GRM8: variants seen among roughly 807,000 people sequenced by gnomAD.
GRM8 encodes metabotropic glutamate receptor 8.
GRM8 carries 47 observed loss-of-function variants against 87.2 expected under a neutral mutation model. The observed-to-expected ratio is 0.54, with a 90% CI of 0.43 to 0.69. The LOEUF is 0.69. Among genes scored for constraint, GRM8 ranks in the 30% least tolerant of loss-of-function variants. The pLI is 0.00. For synonymous variants in GRM8, 396 were observed against 404.5 expected (o/e 0.98, Z 0.25); for missense variants, 1,019 against 1,139.2 (o/e 0.89, Z 1.52).
At chr7:126,552,314 A>G (rs982069828) in intron 8 of GRM8, among the ~76,000 whole-genome samples, 1 of 152,138 alleles carries the variant, frequency 6.6e-6, no homozygotes, top group East Asian at 1.9e-4. Context: ...TATGTACCTT[A>G]AAAATGCCTT....
intron 8 of GRM8, among the ~76,000 whole-genome samples, chr7:126,539,772 C>T (rs1005681792): frequency 7.3e-5 from 11 of 151,606 alleles, no homozygotes; most frequent in Non-Finnish European, 1.5e-4. Context: ...AAGTTATACA[C>T]CTACCTCACA....
intron 2 of GRM8, among the ~76,000 whole-genome samples, chr7:127,194,842 T>C (rs1173908533): frequency 1.3e-5 from 2 of 152,174 alleles, no homozygotes; most frequent in African/African-American, 2.4e-5. Flanking sequence ...GATTAATAAA[T>C]ACCAGTCAAG....
At chr7:126,777,550 C>T (rs1819616037) in intron 6 of GRM8, among the ~76,000 whole-genome samples, 1 of 152,140 alleles carries the variant, frequency 6.6e-6, no homozygotes, top group African/African-American at 2.4e-5. Context: ...CAATGATTAG[C>T]TTGTCTCTTA....
chr7:127,098,557 T>A (rs2132994088), intron 3 of GRM8, among the ~76,000 whole-genome samples: 1 of 152,248 alleles, frequency 6.6e-6, no homozygotes, highest in South Asian at 2.1e-4. Flanking sequence ...AAACTTTCCT[T>A]ACCTTATTGC....
chr7:126,759,698 C>T (rs147195651), intron 7 of GRM8, among the ~76,000 whole-genome samples: 132 of 152,238 alleles, frequency 8.7e-4, no homozygotes, highest in African/African-American at 3.1e-3. Context: ...TAAAGATTCT[C>T]AAGTTCTCAG....
chr7:126,755,455 C>T (rs1208039535), intron 7 of GRM8, among the ~76,000 whole-genome samples: 2 of 151,744 alleles, frequency 1.3e-5, no homozygotes, highest in South Asian at 2.1e-4. Context: ...AGAATAAATA[C>T]GGGGACAGAA....
At chr7:126,446,071 A>G in intron 10 of GRM8, 55 bp downstream of exon 10, 2 of 1,602,370 alleles carry the variant, frequency 1.2e-6, no homozygotes, top group Non-Finnish European at 1.7e-6. Context: ...TTCAACGTAC[A>G]TCTATTAGGA....
At chr7:127,141,426 C>T (rs1391139445) in intron 2 of GRM8, among the ~76,000 whole-genome samples, 1 of 152,106 alleles carries the variant, frequency 6.6e-6, no homozygotes, top group Non-Finnish European at 1.5e-5. Flanking sequence ...TTTATCTAGT[C>T]AGATAATCCA....
intron 6 of GRM8, among the ~76,000 whole-genome samples, chr7:126,802,535 T>TA (rs879382825): frequency 1.9e-4 from 28 of 151,062 alleles, no homozygotes; most frequent in African/African-American, 3.6e-4. Context: ...TATTCAGCCT[T>TA]AAAAAAAAAG....
At chr7:126,997,228 T>C (rs1041555962) in intron 3 of GRM8, among the ~76,000 whole-genome samples, 2 of 149,606 alleles carry the variant, frequency 1.3e-5, no homozygotes, top group Non-Finnish European at 3.0e-5. Flanking sequence ...AGAAGGAAAC[T>C]GAAAAATTTC....
At chr7:126,904,217 C>T in intron 4 of GRM8, 91 bp from the exon 5 acceptor site, 1 of 1,036,946 alleles carries the variant, frequency 9.6e-7, no homozygotes, top group South Asian at 1.5e-5. Flanking sequence ...AAGTTGTATA[C>T]ACTCAGTAGG....
intron 2 of GRM8, among the ~76,000 whole-genome samples, chr7:127,232,183 TTGTGTG>T (rs71529431): frequency 3.1e-5 from 4 of 129,836 alleles, no homozygotes; most frequent in South Asian, 2.5e-4. Flanking sequence ...TGTTTCTTCT[TTGTGTG>T]TGTGTGTGTG....
At chr7:126,764,910 C>G (rs10263248) in intron 7 of GRM8, among the ~76,000 whole-genome samples, 2,906 of 152,086 alleles carry the variant, frequency 0.019, 98 homozygotes, top group African/African-American at 0.066. Context: ...TAGACATCAC[C>G]CCTCTCTCAG....
chr7:126,733,944 A>T (rs10229765), intron 7 of GRM8, among the ~76,000 whole-genome samples: 48,710 of 151,900 alleles, frequency 0.32, 8,501 homozygotes, highest in Non-Finnish European at 0.38. Flanking sequence ...GATAATCTGA[A>T]ATTCCACTGG....
chr7:126,578,867 C>A (rs1175654631), intron 8 of GRM8, among the ~76,000 whole-genome samples: 2 of 151,926 alleles, frequency 1.3e-5, no homozygotes, highest in African/African-American at 4.8e-5. Flanking sequence ...TTAAAAAAGA[C>A]CTATTTTTCT....
In GRM8 at chr7:126,479,741, TAGACAGACAGACAGAC is replaced by T. The variant is rs3993604; in HGVS notation, c.2431-33385_2431-33370del. Among the ~76,000 whole-genome samples the T allele has an allele frequency of 9.5e-3, 1,413 of 148,560 alleles. 20 individuals are homozygous for T. The highest frequency in any genetic ancestry group is 0.032 in the African/African-American group (1,325 of 40,994). ...CTTTATCGTGGAGATGACAGAGAGATAGACAGACAGACAGACAGACAGACAGACAGATAGATAGATA... is the reference window on the plus strand; with the variant it reads ...CTTTATCGTGGAGATGACAGAGAGATAGACAGACAGACAGATAGATAGATA... On this transcript the variant is annotated intron_variant, in intron 9 of 10. Transcript: ENST00000339582.
chr7:126,950,491 ATT>A (rs1367537609), intron 3 of GRM8, among the ~76,000 whole-genome samples: 1 of 152,008 alleles, frequency 6.6e-6, no homozygotes, highest in Non-Finnish European at 1.5e-5. Flanking sequence ...ATTTTTATCT[ATT>A]TCTCTCTCTC....
chr7:126,774,281 T>C lies in GRM8; in HGVS notation c.1157-4216A>G, dbSNP rs540658967. Among the ~76,000 whole-genome samples the C allele has an allele frequency of 5.3e-5, 8 of 152,344 alleles. No homozygotes were observed. The South Asian group carries it at 1.7e-3, about 32-fold the overall frequency. ...GCTAGAATTTGCTCCTCACTTCCTA[T>C]ATTTGATTCTCTCATTCATCTAAAA... On this transcript the variant is annotated intron_variant, in intron 6 of 10. Transcript: ENST00000339582.
intron 7 of GRM8, among the ~76,000 whole-genome samples, chr7:126,609,998 C>T (rs1262921824): frequency 6.6e-6 from 1 of 152,116 alleles, no homozygotes; most frequent in African/African-American, 2.4e-5. Context: ...TACCTCTGCC[C>T]AAGAGTATAT....
Sources: allele counts gnomAD v4.1 joint callset (sites outside exome capture counted in the v4.1 genomes callset), GRCh38; gene constraint gnomAD v4.1.1; transcripts MANE v1.5; gene names NCBI Gene and HGNC (gene_info 2026-07-23, HGNC 2026-07-21).